AP2B1: variants seen among roughly 807,000 people sequenced by gnomAD.
AP2B1 encodes the protein AP-2 complex subunit beta.
Under a neutral mutation model 102.0 loss-of-function variants are expected in AP2B1, and 23 were observed. The ratio of observed to expected loss-of-function variants is 0.23; its 90% CI spans 0.16 to 0.32. The LOEUF is 0.32. Ranked by LOEUF, AP2B1 falls within the 10% of genes least tolerant of loss-of-function variation. The probability of loss-of-function intolerance (pLI) is 1.00; values close to 1 mark genes in which losing one functional copy is unlikely to be tolerated. For synonymous variants in AP2B1, 381 were observed against 421.2 expected, an observed-to-expected ratio of 0.90 and a Z score of 1.17; for missense variants, 541 against 1,157.4, an observed-to-expected ratio of 0.47 and a Z score of 7.73.
At chr17:35,625,396 C>T (rs1004755035) in intron 6 of AP2B1, among the ~76,000 whole-genome samples, 9 of 151,972 alleles carry the variant, frequency 5.9e-5, no homozygotes, top group African/African-American at 2.2e-4. Flanking sequence ...TGAACTAAAG[C>T]TCACTCTGAT....
At chr17:35,664,596 A>G (rs1261882380) in intron 14 of AP2B1, among the ~76,000 whole-genome samples, 5 of 152,082 alleles carry the variant, frequency 3.3e-5, no homozygotes, top group Non-Finnish European at 7.4e-5. Flanking sequence ...GTAGCCATAT[A>G]TATATTACTG....
intron 1 of AP2B1, among the ~76,000 whole-genome samples, chr17:35,589,742 C>A (rs552987553): frequency 3.9e-5 from 6 of 152,152 alleles, no homozygotes; most frequent in Non-Finnish European, 5.9e-5. Context: ...CGTTACTTGT[C>A]TGGTTTGATC....
intron 18 of AP2B1, among the ~76,000 whole-genome samples, chr17:35,703,800 C>G (rs916586859): frequency 7.8e-6 from 1 of 128,606 alleles, no homozygotes; most frequent in African/African-American, 3.0e-5. Context: ...ACCTATGTAA[C>G]AAGCCTGCAC....
At chr17:35,674,037 A>G in intron 16 of AP2B1, 139 bp from the exon 17 acceptor site, 1 of 807,808 alleles carries the variant, frequency 1.2e-6, no homozygotes, top group Non-Finnish European at 1.9e-6. Context: ...TATTTATAGT[A>G]TAAAAATTAC....
At chr17:35,654,175 C>T (rs1238338019) in intron 13 of AP2B1, among the ~76,000 whole-genome samples, 7 of 151,910 alleles carry the variant, frequency 4.6e-5, no homozygotes, top group Non-Finnish European at 8.8e-5. Flanking sequence ...GATTCTTGTG[C>T]CTCAGCCTCC....
intron 3 of AP2B1, among the ~76,000 whole-genome samples, chr17:35,602,917 C>T (rs553794966): frequency 3.6e-4 from 55 of 152,296 alleles, no homozygotes; most frequent in Admixed American, 1.2e-3. Flanking sequence ...TTAACATTTA[C>T]TGGTTATCGT....
At chr17:35,652,313 T>C (rs1167932482) in intron 13 of AP2B1, among the ~76,000 whole-genome samples, 1 of 152,202 alleles carries the variant, frequency 6.6e-6, no homozygotes, top group East Asian at 1.9e-4. Context: ...TCTGTAATAG[T>C]ATTGACATTA....
At chr17:35,647,903 T>TG (rs2074980036) in intron 12 of AP2B1, among the ~76,000 whole-genome samples, 1 of 151,038 alleles carries the variant, frequency 6.6e-6, no homozygotes, top group South Asian at 2.1e-4. Flanking sequence ...TTTTTTTTTT[T>TG]TCTTTTGAGA....
At chr17:35,654,590 T>G (rs892682975) in intron 13 of AP2B1, among the ~76,000 whole-genome samples, 1 of 152,156 alleles carries the variant, frequency 6.6e-6, no homozygotes, top group Non-Finnish European at 1.5e-5. Context: ...CTTGGTATCT[T>G]TAACAGATAA....
At chr17:35,618,069 A>G (rs1443172652) in intron 5 of AP2B1, among the ~76,000 whole-genome samples, 1 of 152,152 alleles carries the variant, frequency 6.6e-6, no homozygotes, top group East Asian at 1.9e-4. Context: ...AAGGAAGAAG[A>G]TGGGGAAAAA....
chr17:35,646,951 A>G (rs2074951141), intron 12 of AP2B1, among the ~76,000 whole-genome samples: 1 of 152,284 alleles, frequency 6.6e-6, no homozygotes, highest in East Asian at 1.9e-4. Context: ...AATTGTTTAC[A>G]TTACATATGG....
intron 17 of AP2B1, among the ~76,000 whole-genome samples, chr17:35,674,912 C>T (rs2075668824): frequency 6.6e-6 from 1 of 152,164 alleles, no homozygotes; most frequent in African/African-American, 2.4e-5. Context: ...TAACTGAAAT[C>T]CATTTATTCA....
intron 9 of AP2B1, among the ~76,000 whole-genome samples, chr17:35,635,573 A>G (rs948857238): frequency 1.3e-5 from 2 of 151,052 alleles, no homozygotes; most frequent in Non-Finnish European, 3.0e-5. Context: ...TAGTAGAAAC[A>G]GGGTTTCACC....
At chr17:35,616,274 C>T (rs1598051001) in intron 5 of AP2B1, among the ~76,000 whole-genome samples, 1 of 147,420 alleles carries the variant, frequency 6.8e-6, no homozygotes, top group Non-Finnish European at 1.5e-5. Context: ...ATGCCATTCT[C>T]ATGCCTCACA....
chr17:35,650,952 A>G (rs1598176389), intron 13 of AP2B1, 163 bp downstream of exon 13: 9 of 726,076 alleles, frequency 1.2e-5, no homozygotes, highest in African/African-American at 3.6e-5. Context: ...GACACCTACT[A>G]CTATACAACC....
intron 5 of AP2B1, among the ~76,000 whole-genome samples, chr17:35,617,962 A>G (rs1005527175): frequency 1.3e-5 from 2 of 152,138 alleles, no homozygotes; most frequent in African/African-American, 4.8e-5. Flanking sequence ...CACTTAAGTA[A>G]TGAATTTTAT....
rs143947213 is a variant in AP2B1 at position 35,695,305 on chromosome 17, C to T, written c.2454+12481C>T. 6.4e-4 allele frequency among the ~76,000 whole-genome samples: 98 copies of T among 152,134 alleles called. 1 individual carries two copies. The East Asian group carries it at 0.018, about 28-fold the overall frequency. On this transcript the variant is annotated intron_variant, in intron 18 of 21. Transcript: ENST00000610402. ...GTCACATATACATTTGCTGTAAGTTCTGGATTTATTTTATTTAACTTATAA... is the reference window on the plus strand; with the variant it reads ...GTCACATATACATTTGCTGTAAGTTTTGGATTTATTTTATTTAACTTATAA...
At chr17:35,606,792 C>T (rs2142393283) in intron 4 of AP2B1, among the ~76,000 whole-genome samples, 1 of 152,048 alleles carries the variant, frequency 6.6e-6, no homozygotes, top group South Asian at 2.1e-4. Context: ...TAAACATAAC[C>T]ACAATATCAT....
chr17:35,656,290 C>T (rs973668683), intron 13 of AP2B1, among the ~76,000 whole-genome samples: 2 of 83,994 alleles, frequency 2.4e-5, no homozygotes, highest in Non-Finnish European at 5.3e-5. Context: ...GTTCATTTTT[C>T]CCCCACATAG....
Sources: gnomAD v4.1 joint callset for allele counts (sites outside exome capture counted in the v4.1 genomes callset) on GRCh38, gnomAD v4.1.1 for gene constraint, MANE v1.5 for transcripts, NCBI Gene and HGNC (gene_info 2026-07-23, HGNC 2026-07-21) for gene names.